ZRANB1: variants seen among roughly 807,000 people sequenced by gnomAD.
ZRANB1 encodes the protein zinc finger RANBP2-type containing 1.
A neutral mutation model predicts 80.5 loss-of-function variants in ZRANB1; 16 were observed. The observed-to-expected ratio is 0.20, with a 90% CI of 0.13 to 0.30. The LOEUF is 0.30. Ranked by LOEUF, ZRANB1 falls within the 10% of genes least tolerant of loss-of-function variation. The pLI is 1.00. For missense variants in ZRANB1, 576 were observed against 862.6 expected, an observed-to-expected ratio of 0.67 and a Z score of 4.16; for synonymous variants, 291 against 293.1, an observed-to-expected ratio of 0.99 and a Z score of 0.07.
At chr10:124,982,479 CAG>C (rs1436448716) in intron 6 of ZRANB1, among the ~76,000 whole-genome samples, 16 of 152,210 alleles carry the variant, frequency 1.1e-4, no homozygotes, top group African/African-American at 3.1e-4. Context: ...GCTTGTGACA[CAG>C]AACTGTGTAG....
In ZRANB1 at chr10:124,963,369, C is replaced by G. The variant is rs115513636; in HGVS notation, c.815-3225C>G. Among the ~76,000 whole-genome samples the G allele has an allele frequency of 3.0e-3, 445 of 150,520 alleles. 4 individuals carry two copies. Among genetic ancestry groups the G allele is most frequent in the African/African-American group, 0.01 (421 of 41,008 alleles). On this transcript the variant is annotated intron_variant, in intron 1 of 8. Coordinates refer to ENST00000359653, the MANE Select transcript of ZRANB1 (RefSeq NM_017580.3). ...ATATGTTGATTATCTTCTCTTGGAA[C>G]TTTTCATTTTTTCCTGGCCTTTCTC...
intron 1 of ZRANB1, among the ~76,000 whole-genome samples, chr10:124,959,160 G>A (rs1311960616): frequency 6.6e-6 from 1 of 152,198 alleles, no homozygotes; most frequent in Non-Finnish European, 1.5e-5. Context: ...GGTCCTAGAA[G>A]GAGCATAGAA....
At chr10:124,960,052 A>G (rs1951720771) in intron 1 of ZRANB1, among the ~76,000 whole-genome samples, 1 of 152,202 alleles carries the variant, frequency 6.6e-6, no homozygotes, top group Non-Finnish European at 1.5e-5. Context: ...GGGTTGGCTA[A>G]CAGTATCATT....
At chr10:124,934,571 T>A in the ZRANB1 span, among the ~76,000 whole-genome samples, 2 of 152,198 alleles carry the variant, frequency 1.3e-5, no homozygotes, top group Non-Finnish European at 2.9e-5. Context: ...TTTTGCGGCT[T>A]TTAGTAGTCT....
intron 1 of ZRANB1, among the ~76,000 whole-genome samples, chr10:124,962,196 T>C (rs1356143126): frequency 2.6e-5 from 4 of 152,244 alleles, no homozygotes; most frequent in African/African-American, 9.7e-5. Flanking sequence ...AGTTAAACTC[T>C]GGCTAGAGGA....
upstream of ZRANB1, among the ~76,000 whole-genome samples, chr10:124,937,664 C>G (rs1265797410): frequency 6.6e-6 from 1 of 152,162 alleles, no homozygotes; most frequent in African/African-American, 2.4e-5. Context: ...TTATGTAAGT[C>G]CCTTTCCCCC....
upstream of ZRANB1, among the ~76,000 whole-genome samples, chr10:124,940,329 A>C (rs923533205): frequency 2.0e-5 from 3 of 152,384 alleles, no homozygotes; most frequent in South Asian, 6.2e-4. Flanking sequence ...CTTTTAGCTA[A>C]AGTAGCAGGC....
At chr10:124,930,805 C>T in the ZRANB1 span, among the ~76,000 whole-genome samples, 6 of 152,004 alleles carry the variant, frequency 3.9e-5, no homozygotes, top group Non-Finnish European at 2.9e-5. Context: ...AAGGCTGAGT[C>T]GAGAAGATTG....
chr10:124,931,470 A>G, the ZRANB1 span, among the ~76,000 whole-genome samples: 2 of 152,100 alleles, frequency 1.3e-5, no homozygotes, highest in Non-Finnish European at 2.9e-5. Context: ...TCCTAGGTTC[A>G]AGTGATTCTC....
the ZRANB1 span, among the ~76,000 whole-genome samples, chr10:124,931,403 C>G: frequency 7.8e-3 from 1,184 of 152,220 alleles, 19 homozygotes; most frequent in African/African-American, 0.027. Flanking sequence ...CAGAGTCTTG[C>G]TCTGTTGCCC....
At chr10:124,964,378 G>A (rs1286281788) in intron 1 of ZRANB1, among the ~76,000 whole-genome samples, 1 of 152,078 alleles carries the variant, frequency 6.6e-6, no homozygotes, top group East Asian at 1.9e-4. Flanking sequence ...ACATTAGAGA[G>A]GAAATCTTAA....
chr10:124,964,225 A>T (rs1951759641), intron 1 of ZRANB1, among the ~76,000 whole-genome samples: 1 of 152,356 alleles, frequency 6.6e-6, no homozygotes, highest in African/African-American at 2.4e-5. Context: ...TTATATTTTT[A>T]AAAAGCACTT....
At chr10:124,942,023 T>A, upstream of ZRANB1, 1 of 371,412 alleles carries the variant, frequency 2.7e-6, no homozygotes. Context: ...TAATCTGTGT[T>A]CATAATTTGA....
chr10:124,978,060 TG>T (rs1408955813), intron 5 of ZRANB1, among the ~76,000 whole-genome samples: 3 of 152,026 alleles, frequency 2.0e-5, no homozygotes. Flanking sequence ...CTTACAGTAT[TG>T]GGGGGTGGGT....
chr10:124,931,114 T>A, the ZRANB1 span, among the ~76,000 whole-genome samples: 1 of 152,126 alleles, frequency 6.6e-6, no homozygotes, highest in Non-Finnish European at 1.5e-5. Flanking sequence ...TTTTGCTTTT[T>A]CTCTTGGCTG....
At chr10:124,978,377 T>C (rs1452165613) in intron 5 of ZRANB1, among the ~76,000 whole-genome samples, 2 of 152,202 alleles carry the variant, frequency 1.3e-5, no homozygotes, top group Admixed American at 6.5e-5. Context: ...ATAAGATACA[T>C]AGTAAGAACT....
chr10:124,978,793 ATTTTTTTT>A (rs35714295), intron 5 of ZRANB1, among the ~76,000 whole-genome samples: 6 of 115,438 alleles, frequency 5.2e-5, no homozygotes, highest in African/African-American at 1.6e-4. Flanking sequence ...TTCCCAGCTA[ATTTTTTTT>A]TTTTTTTTTT....
chr10:124,972,461 T>C (rs1951835637), intron 3 of ZRANB1, among the ~76,000 whole-genome samples: 1 of 152,252 alleles, frequency 6.6e-6, no homozygotes, highest in Non-Finnish European at 1.5e-5. Context: ...TCCCTTTTCA[T>C]GCTTGTGTGT....
intron 2 of ZRANB1, among the ~76,000 whole-genome samples, chr10:124,970,563 C>T (rs1409887012): frequency 6.6e-6 from 1 of 152,148 alleles, no homozygotes; most frequent in African/African-American, 2.4e-5. Flanking sequence ...CACCAAGCTG[C>T]AGTTTCAGAA....
Sources: gnomAD v4.1 joint callset for allele counts (sites outside exome capture counted in the v4.1 genomes callset) on GRCh38, gnomAD v4.1.1 for gene constraint, MANE v1.5 for transcripts, NCBI Gene and HGNC (gene_info 2026-07-23, HGNC 2026-07-21) for gene names.